Variants in MAGI2 observed in about 807,000 individuals in gnomAD.
MAGI2 encodes membrane-associated guanylate kinase, WW and PDZ domain-containing protein 2.
Under a neutral mutation model 133.3 loss-of-function variants are expected in MAGI2, and 35 were observed. That is an observed-to-expected ratio of 0.26 (90% confidence interval 0.20 to 0.35). MAGI2 has a LOEUF of 0.35. Ranked by LOEUF, MAGI2 falls within the 10% of genes least tolerant of loss-of-function variation. The probability of loss-of-function intolerance (pLI) is 1.00; values close to 1 mark genes in which losing one functional copy is unlikely to be tolerated. For missense variants in MAGI2, 1,636 were observed against 1,863.4 expected (o/e 0.88, Z 2.25); for synonymous variants, 729 against 710.6 (o/e 1.03, Z -0.41).
At chr7:79,444,742 G>C (rs1848724486) in intron 1 of MAGI2, among the ~76,000 whole-genome samples, 2 of 152,074 alleles carry the variant, frequency 1.3e-5, no homozygotes, top group Admixed American at 6.5e-5. Context: ...TACTGCCCAA[G>C]GTAATTTATA....
rs1346252859 is a variant in MAGI2 at position 78,667,460 on chromosome 7, T to A, written c.419-40221A>T. 1.1e-4 allele frequency among the ~76,000 whole-genome samples: 17 copies of A among 151,982 alleles called. 1 individual carries two copies. The South Asian group carries it at 3.3e-3, about 30-fold the overall frequency. On this transcript the variant is annotated intron_variant, in intron 2 of 21. Transcript: ENST00000354212. Reference sequence around the variant, plus strand: ...AATGTGCAAGTTAGTTACATATGTATATATGTGCCATGCTGGTGTGCTGCA... The same window carrying A: ...AATGTGCAAGTTAGTTACATATGTAAATATGTGCCATGCTGGTGTGCTGCA...
chr7:78,840,915 G>A (rs939615094), intron 2 of MAGI2, among the ~76,000 whole-genome samples: 2 of 151,512 alleles, frequency 1.3e-5, no homozygotes, highest in South Asian at 2.1e-4. Flanking sequence ...ATTAACTGAC[G>A]TAGATACATT....
At chr7:79,103,942 C>A (rs1053067540) in intron 1 of MAGI2, among the ~76,000 whole-genome samples, 2 of 152,058 alleles carry the variant, frequency 1.3e-5, no homozygotes, top group Admixed American at 6.6e-5. Context: ...ACCTCATGAT[C>A]CACCCACCTC....
intron 1 of MAGI2, among the ~76,000 whole-genome samples, chr7:79,382,610 C>T (rs1843872518): frequency 6.6e-6 from 1 of 151,500 alleles, no homozygotes; most frequent in African/African-American, 2.4e-5. Context: ...TAGTGCTCCA[C>T]AAATGTGTTT....
At chr7:79,148,544 C>G (rs1201858389) in intron 1 of MAGI2, among the ~76,000 whole-genome samples, 1 of 152,044 alleles carries the variant, frequency 6.6e-6, no homozygotes, top group African/African-American at 2.4e-5. Context: ...TGGGTTTATT[C>G]CAAGTTTGCT....
At chr7:78,966,353 C>T (rs1803303472) in intron 2 of MAGI2, among the ~76,000 whole-genome samples, 1 of 152,070 alleles carries the variant, frequency 6.6e-6, no homozygotes, top group African/African-American at 2.4e-5. Context: ...TCCCTCTACT[C>T]CTGGCAATCG....
intron 1 of MAGI2, among the ~76,000 whole-genome samples, chr7:79,066,757 C>A (rs988518362): frequency 9.2e-5 from 14 of 152,194 alleles, no homozygotes; most frequent in African/African-American, 3.1e-4. Context: ...ATGTTTAAAT[C>A]TTTAATCTAT....
chr7:78,440,159 T>A (rs76897370), intron 6 of MAGI2, among the ~76,000 whole-genome samples: 136,262 of 151,850 alleles, frequency 0.9, 62,204 homozygotes, highest in East Asian at 0.98. Flanking sequence ...CTGCCATAGA[T>A]TCTGACTATC....
At chr7:78,094,747 G>C (rs576704147) in intron 20 of MAGI2, among the ~76,000 whole-genome samples, 1 of 152,248 alleles carries the variant, frequency 6.6e-6, no homozygotes, top group East Asian at 1.9e-4. Flanking sequence ...CTGTGCTGTT[G>C]ACTCCTGCCC....
chr7:78,918,244 T>C (rs1438123514), intron 2 of MAGI2, among the ~76,000 whole-genome samples: 1 of 152,172 alleles, frequency 6.6e-6, no homozygotes, highest in Non-Finnish European at 1.5e-5. Flanking sequence ...GATATCTATT[T>C]CTTACTATGC....
intron 1 of MAGI2, among the ~76,000 whole-genome samples, chr7:79,180,845 T>C (rs1826549233): frequency 6.6e-6 from 1 of 151,928 alleles, no homozygotes; most frequent in Non-Finnish European, 1.5e-5. Context: ...ATTGGGTAAA[T>C]ATGCCAATTT....
At chr7:78,095,498 C>A (rs1228472271) in intron 20 of MAGI2, among the ~76,000 whole-genome samples, 1 of 152,160 alleles carries the variant, frequency 6.6e-6, no homozygotes, top group Non-Finnish European at 1.5e-5. Context: ...TATCTTTTCT[C>A]AGTTCTTTTC....
chr7:78,458,504 A>G (rs945726165), intron 6 of MAGI2, among the ~76,000 whole-genome samples: 1 of 152,106 alleles, frequency 6.6e-6, no homozygotes, highest in Non-Finnish European at 1.5e-5. Context: ...GTGTGCATAT[A>G]TAAGTTTATA....
intron 2 of MAGI2, among the ~76,000 whole-genome samples, chr7:78,874,326 G>C (rs139411333): frequency 1.1e-3 from 167 of 149,864 alleles, no homozygotes; most frequent in African/African-American, 4.1e-3. Flanking sequence ...GACTAGTATA[G>C]TCTAGAAATC....
intron 1 of MAGI2, among the ~76,000 whole-genome samples, chr7:79,036,334 G>T (rs899309644): frequency 6.6e-6 from 1 of 152,188 alleles, no homozygotes; most frequent in African/African-American, 2.4e-5. Flanking sequence ...ATAGATGTTA[G>T]ATTCATTGGT....
chr7:79,151,861 C>G (rs1823278671), intron 1 of MAGI2, among the ~76,000 whole-genome samples: 1 of 150,624 alleles, frequency 6.6e-6, no homozygotes, highest in South Asian at 2.1e-4. Context: ...ACAAACTCCC[C>G]TTTTAGATGC....
At chr7:78,365,378 G>A (rs1435293314) in intron 7 of MAGI2, among the ~76,000 whole-genome samples, 4 of 152,098 alleles carry the variant, frequency 2.6e-5, no homozygotes, top group African/African-American at 7.2e-5. Flanking sequence ...ACCATTATGG[G>A]TTATAAATGC....
chr7:79,303,325 C>G (rs951920410), intron 1 of MAGI2, among the ~76,000 whole-genome samples: 1 of 152,002 alleles, frequency 6.6e-6, no homozygotes, highest in Admixed American at 6.6e-5. Flanking sequence ...TAAAAAATAC[C>G]CTTCCTGTAG....
At chr7:78,373,745 C>G (rs897888926) in intron 6 of MAGI2, among the ~76,000 whole-genome samples, 1 of 152,124 alleles carries the variant, frequency 6.6e-6, no homozygotes, top group Non-Finnish European at 1.5e-5. Flanking sequence ...TCTTTTCCCC[C>G]TCCTTCCCTT....
Sources: allele counts gnomAD v4.1 joint callset (sites outside exome capture counted in the v4.1 genomes callset), GRCh38; gene constraint gnomAD v4.1.1; transcripts MANE v1.5; gene names NCBI Gene and HGNC (gene_info 2026-07-23, HGNC 2026-07-21).